HDAC9: variants seen among roughly 807,000 people sequenced by gnomAD.
HDAC9 encodes histone deacetylase 9.
Under a neutral mutation model 139.4 loss-of-function variants are expected in HDAC9, and 41 were observed. The observed-to-expected ratio is 0.29, with a 90% CI of 0.23 to 0.38. The LOEUF (loss-of-function observed/expected upper bound fraction) is 0.38, where lower values mean the gene tolerates loss of function less well. Among genes scored for constraint, HDAC9 ranks in the 10% least tolerant of loss-of-function variants. The probability of loss-of-function intolerance (pLI) is 1.00; values close to 1 mark genes in which losing one functional copy is unlikely to be tolerated. For missense variants in HDAC9, 1,147 were observed against 1,297.0 expected (o/e 0.88, Z 1.78); for synonymous variants, 517 against 476.2 (o/e 1.09, Z -1.12).
In HDAC9 at chr7:18,996,151, C is replaced by A; in HGVS notation, c.*89C>A. ...ACCCTCAGACATGTCTTGTCTGCTG[C>A]CTGGGTGGCACAGATTCAATGGAAC... is the stretch of plus-strand genomic sequence containing the variant. On this transcript the variant is annotated 3_prime_UTR_variant, in exon 26 of 26. Transcript: ENST00000686413. The A allele has an allele frequency of 2.1e-6, 2 of 933,702 alleles. No individual in the cohort carries two copies. The highest frequency in any genetic ancestry group is 1.5e-5 in the South Asian group (1 of 68,144). 57.8% of individuals were successfully genotyped at this position (933,702 alleles called of 1,614,324 possible).
chr7:18,604,864 C>G (rs1583990994), intron 6 of HDAC9, among the ~76,000 whole-genome samples: 1 of 152,188 alleles, frequency 6.6e-6, no homozygotes, highest in South Asian at 2.1e-4. Flanking sequence ...TTTAAGTTCC[C>G]TTTCTGTTAA....
Position 18,829,175 on chromosome 7 carries a change from T to G in HDAC9, c.2337T>G (p.Val779=), listed in dbSNP as rs758155709. 1.9e-6 allele frequency: 3 copies of G among 1,613,078 alleles called. No homozygotes were observed. In the South Asian group the frequency reaches 3.3e-5, roughly 18 times the overall value. The stretch of plus-strand genomic sequence containing the variant: ...TGTTTTCACAGAATGGGTTTGCTGT[T>G]GTGAGGCCCCCTGGCCATCACGCTG... ...ASGELKNGFA[V]VRPPGHHAEE... The change falls in exon 18 of 26, where the codon GTT becomes GTG. Residue 779 remains valine, a synonymous_variant. Coordinates refer to ENST00000686413, the MANE Select transcript of HDAC9 (RefSeq NM_178425.4).
chr7:18,965,570 C>T (rs2526642), intron 24 of HDAC9, among the ~76,000 whole-genome samples: 13 of 152,144 alleles, frequency 8.5e-5, no homozygotes, highest in African/African-American at 2.4e-4. Flanking sequence ...TGAAGTGTGA[C>T]GAGAAAAGAA....
intron 2 of HDAC9, among the ~76,000 whole-genome samples, chr7:18,206,647 TA>T (rs1791531209): frequency 6.6e-6 from 1 of 152,132 alleles, no homozygotes; most frequent in South Asian, 2.1e-4. Flanking sequence ...TAAAGAATAA[TA>T]AGTTTGTTTC....
At chr7:18,591,675 G>A in intron 5 of HDAC9, 33 bp downstream of exon 5, 1 of 1,608,486 alleles carries the variant, frequency 6.2e-7, no homozygotes, top group Non-Finnish European at 8.5e-7. Context: ...TTCATTCCTG[G>A]GGTAAAGAAC....
At chr7:18,968,215 C>T (rs553711851) in intron 24 of HDAC9, among the ~76,000 whole-genome samples, 1 of 152,294 alleles carries the variant, frequency 6.6e-6, no homozygotes, top group African/African-American at 2.4e-5. Flanking sequence ...AAATTTCTCT[C>T]TTAGCTTCCC....
intron 16 of HDAC9, among the ~76,000 whole-genome samples, chr7:18,779,263 C>T (rs926040628): frequency 2.6e-5 from 4 of 152,076 alleles, no homozygotes; most frequent in Admixed American, 1.3e-4. Flanking sequence ...TTTCAAGACT[C>T]TCAGGGTTTC....
chr7:18,697,606 C>A (rs1783149630), intron 12 of HDAC9, among the ~76,000 whole-genome samples: 2 of 152,112 alleles, frequency 1.3e-5, no homozygotes, highest in South Asian at 4.1e-4. Flanking sequence ...TATGTTAAGA[C>A]TGTTTAAGAT....
chr7:18,480,371 AT>A (rs1355711593), intron 1 of HDAC9, among the ~76,000 whole-genome samples: 1 of 152,206 alleles, frequency 6.6e-6, no homozygotes, highest in Non-Finnish European at 1.5e-5. Flanking sequence ...ACATAACAAT[AT>A]TTTAACACTG....
chr7:18,436,288 T>C (rs1254284836), intron 1 of HDAC9, among the ~76,000 whole-genome samples: 1 of 152,220 alleles, frequency 6.6e-6, no homozygotes, highest in African/African-American at 2.4e-5. Flanking sequence ...AATAAAATTA[T>C]GCAAATTTTA....
chr7:18,493,591 G>A (rs1057139201), upstream of HDAC9, among the ~76,000 whole-genome samples: 2 of 151,682 alleles, frequency 1.3e-5, no homozygotes, highest in African/African-American at 4.8e-5. Flanking sequence ...AGAAGTTCTT[G>A]TTCTGATCTC....
intron 1 of HDAC9, among the ~76,000 whole-genome samples, chr7:18,309,476 A>T (rs1562863543): frequency 6.6e-6 from 1 of 152,176 alleles, no homozygotes; most frequent in Non-Finnish European, 1.5e-5. Context: ...AGTTAGAAAA[A>T]AAATGGTAAA....
At chr7:18,088,929 A>T (rs1781966832) in intron 1 of HDAC9, among the ~76,000 whole-genome samples, 1 of 152,238 alleles carries the variant, frequency 6.6e-6, no homozygotes, top group East Asian at 1.9e-4. Context: ...AATGGGGCAC[A>T]TTTGAAGAAG....
chr7:18,239,191 A>C (rs1176732180), intron 2 of HDAC9, among the ~76,000 whole-genome samples: 1 of 152,090 alleles, frequency 6.6e-6, no homozygotes, highest in African/African-American at 2.4e-5. Flanking sequence ...TCCCTGGCAC[A>C]CTGGAGAAAA....
intron 12 of HDAC9, among the ~76,000 whole-genome samples, chr7:18,694,217 T>C (rs1782871519): frequency 6.6e-6 from 1 of 152,056 alleles, no homozygotes; most frequent in South Asian, 2.1e-4. Flanking sequence ...AAAAGACCAG[T>C]AGACAGAAAC....
chr7:18,585,667 G>A, intron 3 of HDAC9, 145 bp downstream of exon 3: 2 of 1,149,592 alleles, frequency 1.7e-6, no homozygotes, highest in Non-Finnish European at 2.4e-6. Context: ...GATTTTACTA[G>A]TGAAAACTTT....
At chr7:18,542,389 G>A (rs1356988299) in intron 2 of HDAC9, among the ~76,000 whole-genome samples, 1 of 152,048 alleles carries the variant, frequency 6.6e-6, no homozygotes, top group African/African-American at 2.4e-5. Flanking sequence ...ACTGTTAGGA[G>A]GATTGAATGA....
In HDAC9 at chr7:18,905,841, T is replaced by C. The variant is rs150865529; in HGVS notation, c.2804-29968T>C. On this transcript the variant is annotated intron_variant, in intron 22 of 25. Transcript: ENST00000686413. ...CATCAAGTTTTATAGTTATTTCTAA[T>C]GCTGAATAGTTTCTTTCTTTCTTTC... 2.2e-3 allele frequency among the ~76,000 whole-genome samples: 336 copies of C among 151,446 alleles called. 1 individual carries two copies. The highest frequency in any genetic ancestry group is 7.6e-3 in the African/African-American group (315 of 41,438).
intron 2 of HDAC9, among the ~76,000 whole-genome samples, chr7:18,166,140 A>G (rs1787999298): frequency 6.6e-6 from 1 of 152,234 alleles, no homozygotes; most frequent in African/African-American, 2.4e-5. Flanking sequence ...AACGCATCCA[A>G]AGGAATTTTC....
Sources: allele counts gnomAD v4.1 joint callset (sites outside exome capture counted in the v4.1 genomes callset), GRCh38; gene constraint gnomAD v4.1.1; transcripts MANE v1.5; gene names NCBI Gene and HGNC (gene_info 2026-07-23, HGNC 2026-07-21).